EPHB1: variants seen among roughly 807,000 people sequenced by gnomAD.
EPHB1 encodes the protein ephrin type-B receptor 1.
EPHB1 carries 30 observed loss-of-function variants against 94.4 expected under a neutral mutation model. The ratio of observed to expected loss-of-function variants is 0.32; its 90% CI spans 0.24 to 0.43. EPHB1 has a LOEUF of 0.43. Among genes scored for constraint, EPHB1 ranks in the 20% least tolerant of loss-of-function variants. The pLI is 1.00. For missense variants in EPHB1, 1,055 were observed against 1,308.3 expected (o/e 0.81, Z 2.99); for synonymous variants, 522 against 489.1 (o/e 1.07, Z -0.89).
intron 1 of EPHB1, among the ~76,000 whole-genome samples, chr3:134,801,827 TCAAAGGTCC>T (rs1020681588): frequency 6.6e-5 from 10 of 152,192 alleles, no homozygotes; most frequent in African/African-American, 2.4e-4. Flanking sequence ...ATCTGCTCCA[TCAAAGGTCC>T]CTGATATCTG....
intron 1 of EPHB1, among the ~76,000 whole-genome samples, chr3:134,862,182 G>A (rs1047082137): frequency 6.6e-6 from 1 of 152,180 alleles, no homozygotes; most frequent in African/African-American, 2.4e-5. Flanking sequence ...AGTATCTAGC[G>A]CTGGGCTCAG....
intron 1 of EPHB1, among the ~76,000 whole-genome samples, chr3:134,825,935 A>G (rs1395860947): frequency 6.6e-6 from 1 of 151,956 alleles, no homozygotes; most frequent in Admixed American, 6.6e-5. Context: ...TTTTACTTCA[A>G]CTATCATCTA....
chr3:134,934,611 G>T (rs2038965466), intron 2 of EPHB1, among the ~76,000 whole-genome samples: 1 of 151,912 alleles, frequency 6.6e-6, no homozygotes, highest in African/African-American at 2.4e-5. Context: ...TGCCACAGAT[G>T]ACCCGTGTTG....
chr3:134,942,810 A>T (rs1051655101), intron 2 of EPHB1, among the ~76,000 whole-genome samples: 3 of 152,186 alleles, frequency 2.0e-5, no homozygotes, highest in African/African-American at 7.2e-5. Context: ...AAATGCATGG[A>T]ATTATTTTTC....
intron 3 of EPHB1, among the ~76,000 whole-genome samples, chr3:134,974,693 C>G (rs912250563): frequency 6.6e-6 from 1 of 152,216 alleles, no homozygotes; most frequent in African/African-American, 2.4e-5. Flanking sequence ...AGCTGACATC[C>G]TAATGGCCTC....
intron 3 of EPHB1, among the ~76,000 whole-genome samples, chr3:135,060,941 C>A (rs907368950): frequency 6.6e-6 from 1 of 151,982 alleles, no homozygotes; most frequent in Non-Finnish European, 1.5e-5. Flanking sequence ...CCTCCCAACA[C>A]CCTCACTACC....
At chr3:134,880,773 C>T (rs1342950291) in intron 1 of EPHB1, among the ~76,000 whole-genome samples, 3 of 152,232 alleles carry the variant, frequency 2.0e-5, no homozygotes, top group African/African-American at 4.8e-5. Context: ...TGAGGGCCTG[C>T]GGCCCTTCCA....
intron 13 of EPHB1, among the ~76,000 whole-genome samples, chr3:135,243,672 G>T (rs1206250067): frequency 1.3e-5 from 2 of 152,194 alleles, no homozygotes; most frequent in African/African-American, 2.4e-5. Context: ...CACCAAGTTG[G>T]TGGTGGTAAA....
At chr3:134,859,994 T>A (rs887624855) in intron 1 of EPHB1, among the ~76,000 whole-genome samples, 1 of 152,190 alleles carries the variant, frequency 6.6e-6, no homozygotes, top group Non-Finnish European at 1.5e-5. Context: ...TTCCCCAGTT[T>A]TGTGAAACTG....
At chr3:135,029,018 G>C (rs1370076385) in intron 3 of EPHB1, among the ~76,000 whole-genome samples, 20 of 137,254 alleles carry the variant, frequency 1.5e-4, no homozygotes, top group Admixed American at 5.5e-4. Context: ...TTGGTTTAAA[G>C]TCTGTTTTAT....
chr3:134,962,659 T>A (rs1578234451), intron 3 of EPHB1, among the ~76,000 whole-genome samples: 1 of 151,962 alleles, frequency 6.6e-6, no homozygotes, highest in Admixed American at 6.6e-5. Context: ...ATCTCTCAGC[T>A]CTCACCCTTT....
intron 2 of EPHB1, among the ~76,000 whole-genome samples, chr3:134,935,877 G>T (rs980201458): frequency 6.6e-6 from 1 of 152,164 alleles, no homozygotes; most frequent in African/African-American, 2.4e-5. Context: ...CATACCAACT[G>T]TGTGCCAGGC....
intron 3 of EPHB1, among the ~76,000 whole-genome samples, chr3:134,989,080 T>C (rs913936534): frequency 2.6e-5 from 4 of 152,326 alleles, no homozygotes; most frequent in Admixed American, 6.5e-5. Flanking sequence ...CAGAGCTCTT[T>C]TGAGTAAGTT....
chr3:135,018,208 C>G (rs1935866336), intron 3 of EPHB1, among the ~76,000 whole-genome samples: 1 of 152,118 alleles, frequency 6.6e-6, no homozygotes, highest in Non-Finnish European at 1.5e-5. Flanking sequence ...CCCATCTTCC[C>G]CATGTTCTGA....
chr3:135,259,268 C>A lies in EPHB1; in HGVS notation c.*148C>A. ...AGTGAAGAATCAACCGGACCTGTTG[C>A]TAGCAGGCAATCTCCATTTCTCAGT... On this transcript the variant is annotated 3_prime_UTR_variant, in exon 16 of 16. Transcript: ENST00000398015. The A allele has an allele frequency of 1.7e-6, 1 of 578,148 alleles. No homozygotes were observed. The highest frequency in any genetic ancestry group is 3.0e-6 in the Non-Finnish European group (1 of 335,136). 35.8% of individuals were successfully genotyped at this position (578,148 alleles called of 1,614,324 possible).
chr3:134,957,446 G>C (rs1463138599), intron 3 of EPHB1, among the ~76,000 whole-genome samples: 2 of 152,164 alleles, frequency 1.3e-5, no homozygotes, highest in African/African-American at 4.8e-5. Context: ...GCAGGAGCAG[G>C]CTGGCAACTG....
chr3:135,103,668 C>T (rs943009542), intron 3 of EPHB1, among the ~76,000 whole-genome samples: 13 of 152,196 alleles, frequency 8.5e-5, no homozygotes, highest in Admixed American at 7.9e-4. Flanking sequence ...GTTCACCAAG[C>T]TAGGAGCTGG....
chr3:134,820,676 T>C (rs1456464483), intron 1 of EPHB1, among the ~76,000 whole-genome samples: 1 of 152,182 alleles, frequency 6.6e-6, no homozygotes, highest in Non-Finnish European at 1.5e-5. Context: ...TATCTGTGTT[T>C]GCCTGGGTTA....
chr3:134,822,583 G>T (rs1470417084), intron 1 of EPHB1, among the ~76,000 whole-genome samples: 1 of 152,188 alleles, frequency 6.6e-6, no homozygotes, highest in Non-Finnish European at 1.5e-5. Context: ...GTAGAATATA[G>T]TTCTGTTCTA....
Sources: gnomAD v4.1 joint callset for allele counts (sites outside exome capture counted in the v4.1 genomes callset) on GRCh38, gnomAD v4.1.1 for gene constraint, MANE v1.5 for transcripts, NCBI Gene and HGNC (gene_info 2026-07-23, HGNC 2026-07-21) for gene names.